The following DIS3L2 variants were observed in gnomAD, a reference collection of about 807,000 sequenced individuals.
DIS3L2 encodes DIS3-like exonuclease 2.
In DIS3L2, 34 loss-of-function variants were observed where a neutral mutation model predicts 97.5. The ratio of observed to expected loss-of-function variants is 0.35; its 90% CI spans 0.27 to 0.46. The LOEUF (loss-of-function observed/expected upper bound fraction) is 0.46, where lower values mean the gene tolerates loss of function less well. Ranked by LOEUF, DIS3L2 falls within the 20% of genes least tolerant of loss-of-function variation. DIS3L2 has a pLI of 1.00. For synonymous variants in DIS3L2, 435 were observed against 445.2 expected, an observed-to-expected ratio of 0.98 and a Z score of 0.29; for missense variants, 1,038 against 1,146.0, an observed-to-expected ratio of 0.91 and a Z score of 1.36.
Position 232,097,827 on chromosome 2 carries a change from G to A in DIS3L2, c.601+10106G>A, listed in dbSNP as rs1354061060. Among the ~76,000 whole-genome samples the A allele has an allele frequency of 4.7e-4, 71 of 152,156 alleles. 1 individual carries two copies. The highest frequency in any genetic ancestry group is 4.6e-3 in the Admixed American group (70 of 15,292). On this transcript the variant is annotated intron_variant, in intron 6 of 20. Transcript: ENST00000325385. Reference sequence around the variant, plus strand: ...TTTTCTCAAGCAGATGGAGTCTCTCGCGATAGCCACCACAGCTGAGAATAT... The same window carrying A: ...TTTTCTCAAGCAGATGGAGTCTCTCACGATAGCCACCACAGCTGAGAATAT...
chr2:232,233,945 G>A (rs3116217), intron 10 of DIS3L2, among the ~76,000 whole-genome samples: 21,018 of 152,216 alleles, frequency 0.14, 1,948 homozygotes, highest in East Asian at 0.37. Context: ...AGCCTGCAGG[G>A]ACAGGAGTGA....
intron 7 of DIS3L2, among the ~76,000 whole-genome samples, chr2:232,132,130 C>T (rs1698236352): frequency 6.6e-6 from 1 of 152,102 alleles, no homozygotes; most frequent in Non-Finnish European, 1.5e-5. Flanking sequence ...TGATTTGCTA[C>T]TGCCCTCCAA....
At chr2:232,322,901 C>T (rs1695476219) in intron 14 of DIS3L2, among the ~76,000 whole-genome samples, 1 of 149,814 alleles carries the variant, frequency 6.7e-6, no homozygotes, top group Non-Finnish European at 1.5e-5. Context: ...CTCCTTAAGT[C>T]TGTGATGGCC....
intron 9 of DIS3L2, among the ~76,000 whole-genome samples, chr2:232,187,233 G>A (rs565071794): frequency 6.6e-6 from 1 of 152,184 alleles, no homozygotes; most frequent in East Asian, 1.9e-4. Flanking sequence ...TAGGATGGCT[G>A]TAATTTAAAA....
intron 10 of DIS3L2, among the ~76,000 whole-genome samples, chr2:232,235,605 A>G (rs892328766): frequency 2.0e-5 from 3 of 152,180 alleles, no homozygotes; most frequent in Admixed American, 2.0e-4. Context: ...AATTTTGACT[A>G]AGGACAGAAA....
intron 13 of DIS3L2, among the ~76,000 whole-genome samples, chr2:232,265,245 C>T (rs552196572): frequency 6.6e-6 from 1 of 152,294 alleles, no homozygotes; most frequent in East Asian, 1.9e-4. Context: ...CTGCTGGCCC[C>T]CTTTGCAGAA....
Position 232,037,534 on chromosome 2 carries a change from C to T in DIS3L2, c.366+7454C>T, listed in dbSNP as rs573256891. On this transcript the variant is annotated intron_variant, in intron 5 of 20. Coordinates refer to ENST00000325385, the MANE Select transcript of DIS3L2 (RefSeq NM_152383.5). The surrounding 1 kb of genome is among the most constrained non-coding windows in gnomAD (Gnocchi z 4.6). ...TCTCTGGCTTCAACCCCTTTTCCAGCGGGGTGAACAGTTCTCTCTCACTGG... is the reference window on the plus strand; with the variant it reads ...TCTCTGGCTTCAACCCCTTTTCCAGTGGGGTGAACAGTTCTCTCTCACTGG... Among the ~76,000 whole-genome samples, 134 of 152,224 alleles carry T rather than the reference C, an allele frequency of 8.8e-4. No individual in the cohort carries two copies. Among genetic ancestry groups the T allele is most frequent in the African/African-American group, 1.2e-3 (49 of 41,536 alleles).
chr2:232,045,162 G>C (rs894830559), intron 5 of DIS3L2, among the ~76,000 whole-genome samples: 2 of 152,142 alleles, frequency 1.3e-5, no homozygotes, highest in African/African-American at 2.4e-5. Flanking sequence ...AATGAAGTCT[G>C]AATGGAAAAC....
intron 14 of DIS3L2, among the ~76,000 whole-genome samples, chr2:232,316,311 T>TGTCC (rs1245239370): frequency 6.6e-6 from 1 of 152,130 alleles, no homozygotes; most frequent in Admixed American, 6.5e-5. Context: ...CTTACGATTA[T>TGTCC]GTCCTGTTCT....
At chr2:232,295,583 A>G (rs1263933314) in intron 13 of DIS3L2, among the ~76,000 whole-genome samples, 3 of 152,130 alleles carry the variant, frequency 2.0e-5, no homozygotes, top group African/African-American at 7.2e-5. Flanking sequence ...TGTCATCTTT[A>G]AATATACTCC....
At chr2:232,329,785 T>TCCCGGGGGCCCCCCCCCCCCCCCCCCCC in intron 14 of DIS3L2, 28 bp from the exon 15 acceptor site, 1 of 967,144 alleles carries the variant, frequency 1.0e-6, no homozygotes, top group Non-Finnish European at 1.5e-6. Context: ...ACCCCAGCGG[T>TCCCGGGGGCCCCCCCCCCCCCCCCCCCC]CCCTCCCATC....
intron 5 of DIS3L2, among the ~76,000 whole-genome samples, chr2:232,085,118 T>TA (rs1336651166): frequency 6.6e-6 from 1 of 152,230 alleles, no homozygotes; most frequent in Non-Finnish European, 1.5e-5. Context: ...GTGAAACTGC[T>TA]AGAGCTCTCT....
At chr2:232,285,044 G>A (rs981465814) in intron 13 of DIS3L2, among the ~76,000 whole-genome samples, 1 of 152,182 alleles carries the variant, frequency 6.6e-6, no homozygotes, top group Non-Finnish European at 1.5e-5. Context: ...GGCTATAAGG[G>A]TCCCCAACCC....
At chr2:232,147,288 T>C (rs894295654) in intron 8 of DIS3L2, among the ~76,000 whole-genome samples, 3 of 152,174 alleles carry the variant, frequency 2.0e-5, no homozygotes, top group Non-Finnish European at 4.4e-5. Context: ...ATAAACTTTA[T>C]GTTTCAGAAC....
intron 13 of DIS3L2, among the ~76,000 whole-genome samples, chr2:232,266,561 C>G (rs1693863114): frequency 6.6e-6 from 1 of 152,168 alleles, no homozygotes; most frequent in Non-Finnish European, 1.5e-5. Flanking sequence ...TCCATGGACC[C>G]CAGCTTTGGA....
intron 14 of DIS3L2, among the ~76,000 whole-genome samples, chr2:232,326,389 G>T (rs1027156197): frequency 7.2e-5 from 11 of 151,974 alleles, no homozygotes; most frequent in African/African-American, 2.4e-4. Context: ...TCTGGCTGCT[G>T]GCAGCTGGGC....
chr2:232,038,328 G>A (rs145435811), intron 5 of DIS3L2, among the ~76,000 whole-genome samples: 1 of 152,302 alleles, frequency 6.6e-6, no homozygotes, highest in African/African-American at 2.4e-5. Context: ...AAAGATGGTG[G>A]CATCTTTTAC....
At chr2:232,320,268 G>T (rs1368734540) in intron 14 of DIS3L2, among the ~76,000 whole-genome samples, 1 of 152,192 alleles carries the variant, frequency 6.6e-6, no homozygotes, top group East Asian at 1.9e-4. Context: ...CAGAATGAAT[G>T]CAGAGCTCTG....
chr2:232,003,357 G>A (rs1269098804), intron 1 of DIS3L2, among the ~76,000 whole-genome samples: 1 of 152,062 alleles, frequency 6.6e-6, no homozygotes, highest in Non-Finnish European at 1.5e-5. Context: ...ACATCCTTTA[G>A]TAGCTTCATA....
Sources: gnomAD v4.1 joint callset for allele counts (sites outside exome capture counted in the v4.1 genomes callset) on GRCh38, gnomAD v4.1.1 for gene constraint, Gnocchi (gnomAD v3.1) non-coding constraint, MANE v1.5 for transcripts, NCBI Gene and HGNC (gene_info 2026-07-23, HGNC 2026-07-21) for gene names.